Variants in PTPRK observed in about 807,000 individuals in gnomAD.
PTPRK encodes the protein receptor-type tyrosine-protein phosphatase kappa.
PTPRK carries 75 observed loss-of-function variants against 178.0 expected under a neutral mutation model. The observed-to-expected ratio is 0.42, with a 90% CI of 0.35 to 0.51. The LOEUF (loss-of-function observed/expected upper bound fraction) is 0.51. PTPRK is among the 20% of genes least tolerant of loss of function. The probability of loss-of-function intolerance (pLI) is 0.02; values close to 1 mark genes in which losing one functional copy is unlikely to be tolerated. For missense variants in PTPRK, 1,441 were observed against 1,797.8 expected (o/e 0.80, Z 3.59); for synonymous variants, 637 against 620.6 (o/e 1.03, Z -0.39).
chr6:127,998,823 T>C lies in PTPRK; in HGVS notation c.2576A>G (p.Tyr859Cys), dbSNP rs1172207833. The C allele has an allele frequency of 6.2e-7, 1 of 1,610,234 alleles. No homozygotes were observed. Among genetic ancestry groups the C allele is most frequent in the Non-Finnish European group, 8.5e-7 (1 of 1,177,700 alleles). The change falls in exon 16 of 30, where the codon TAC becomes TGC. Residue 859 changes from tyrosine (Y) to cysteine (C), a missense_variant. Physicochemically the swap from Tyr to Cys is radical, Grantham distance 194 (BLOSUM62 -2). Coordinates refer to ENST00000368226, the MANE Select transcript of PTPRK (RefSeq NM_002844.4). The stretch of plus-strand genomic sequence containing the variant: ...GGCTGGATGCAGCTGTCCTGTCTGG[T>C]AAGGGGATTCCGTCCCCTCACAGAG... ...RYLCEGTESPYQTGQLHPAIR... is the reference protein window; with the variant it reads ...RYLCEGTESPCQTGQLHPAIR...
At chr6:128,287,064 G>A (rs1317435728) in intron 3 of PTPRK, among the ~76,000 whole-genome samples, 1 of 152,052 alleles carries the variant, frequency 6.6e-6, no homozygotes, top group East Asian at 1.9e-4. Context: ...ATCTCTGGAG[G>A]TGTTTCTTTC....
chr6:128,349,832 T>G (rs1283538042), intron 2 of PTPRK, among the ~76,000 whole-genome samples: 1 of 152,148 alleles, frequency 6.6e-6, no homozygotes, highest in Non-Finnish European at 1.5e-5. Flanking sequence ...GGTTGCCAAC[T>G]GTGGAAACTC....
At chr6:128,398,089 G>A (rs1489533549) in intron 1 of PTPRK, among the ~76,000 whole-genome samples, 1 of 152,086 alleles carries the variant, frequency 6.6e-6, no homozygotes, top group African/African-American at 2.4e-5. Context: ...ATGAAGTAAC[G>A]AAAGCAGAGA....
chr6:128,347,815 T>A (rs1330827958), intron 2 of PTPRK, among the ~76,000 whole-genome samples: 3 of 152,100 alleles, frequency 2.0e-5, no homozygotes, highest in Non-Finnish European at 4.4e-5. Context: ...TCCCACATTT[T>A]ATTTATTTAT....
intron 3 of PTPRK, among the ~76,000 whole-genome samples, chr6:128,291,471 T>C (rs1348134197): frequency 6.6e-6 from 1 of 152,156 alleles, no homozygotes; most frequent in East Asian, 1.9e-4. Context: ...AGAAAACTAA[T>C]ACTATAAGTT....
intron 13 of PTPRK, among the ~76,000 whole-genome samples, chr6:128,028,946 T>C (rs1290018258): frequency 6.6e-6 from 1 of 152,190 alleles, no homozygotes; most frequent in Non-Finnish European, 1.5e-5. Flanking sequence ...TTCAGATTCA[T>C]GGTAAGGTTA....
At chr6:128,158,024 T>C (rs1404176898) in intron 7 of PTPRK, among the ~76,000 whole-genome samples, 1 of 152,056 alleles carries the variant, frequency 6.6e-6, no homozygotes, top group Non-Finnish European at 1.5e-5. Flanking sequence ...GCCTATGTCC[T>C]GAATGGTATT....
At chr6:128,407,351 T>C (rs931393840) in intron 1 of PTPRK, among the ~76,000 whole-genome samples, 15 of 152,124 alleles carry the variant, frequency 9.9e-5, no homozygotes, top group African/African-American at 2.4e-4. Flanking sequence ...AGTTAGATGA[T>C]TGGGGCCTGG....
Position 127,990,826 on chromosome 6 carries a change from C to T in PTPRK, c.3039G>A (p.Thr1013=), listed in dbSNP as rs766857910. The T allele has an allele frequency of 1.6e-5, 25 of 1,612,198 alleles. No individual in the cohort carries two copies. Among genetic ancestry groups the T allele is most frequent in the South Asian group, 2.2e-5 (2 of 91,052 alleles). ...CAGCAAGTGGTTCCATTTCTACACA[C>T]GTTACTTTGAAGTCACCATAAACTT... The part of the protein sequence containing the change: ...DTEVYGDFKV[T]CVEMEPLAEY... Residue 1013 remains threonine (T), a synonymous_variant, in exon 21 of 30, where the codon ACG becomes ACA. Coordinates refer to ENST00000368226, the MANE Select transcript of PTPRK (RefSeq NM_002844.4).
At chr6:128,509,603 C>G (rs1370722354) in intron 1 of PTPRK, among the ~76,000 whole-genome samples, 1 of 152,066 alleles carries the variant, frequency 6.6e-6, no homozygotes, top group South Asian at 2.1e-4. Context: ...ACTACTTTCA[C>G]ATATATTATT....
chr6:128,202,018 G>A (rs1159496749), intron 6 of PTPRK, among the ~76,000 whole-genome samples: 1 of 152,074 alleles, frequency 6.6e-6, no homozygotes, highest in Non-Finnish European at 1.5e-5. Flanking sequence ...CAATGAGTAT[G>A]GAAAGTGAAG....
chr6:128,217,158 G>A (rs1345182084), intron 6 of PTPRK, among the ~76,000 whole-genome samples: 1 of 152,142 alleles, frequency 6.6e-6, no homozygotes, highest in African/African-American at 2.4e-5. Context: ...GAGAGATGCT[G>A]GAATGGGACT....
chr6:128,348,050 C>T (rs989495898), intron 2 of PTPRK, among the ~76,000 whole-genome samples: 6 of 152,024 alleles, frequency 3.9e-5, no homozygotes, highest in Middle Eastern at 3.4e-3. Context: ...AAGTACAGAT[C>T]ATCTATTGTA....
chr6:128,320,143 G>A (rs1205554766), intron 3 of PTPRK, among the ~76,000 whole-genome samples: 3 of 152,098 alleles, frequency 2.0e-5, no homozygotes, highest in Non-Finnish European at 4.4e-5. Context: ...GGCACTTTTT[G>A]TACTTCTTGC....
At chr6:128,394,310 T>A (rs1840001023) in intron 2 of PTPRK, among the ~76,000 whole-genome samples, 1 of 152,216 alleles carries the variant, frequency 6.6e-6, no homozygotes, top group Admixed American at 6.5e-5. Flanking sequence ...GGAACTATTA[T>A]GAATGCTGAT....
intron 10 of PTPRK, among the ~76,000 whole-genome samples, chr6:128,081,081 G>A (rs1784738356): frequency 6.6e-6 from 1 of 151,774 alleles, no homozygotes; most frequent in Admixed American, 6.6e-5. Context: ...TCTCAGTTTT[G>A]TTAGTTTATA....
At chr6:128,415,503 A>AG (rs1842747946) in intron 1 of PTPRK, among the ~76,000 whole-genome samples, 1 of 48,782 alleles carries the variant, frequency 2.0e-5, no homozygotes, top group South Asian at 1.4e-3. Context: ...ATATGCAGTG[A>AG]GAAAAAAAAA....
chr6:127,998,265 G>A (rs192736994), intron 16 of PTPRK, among the ~76,000 whole-genome samples: 1 of 151,920 alleles, frequency 6.6e-6, no homozygotes, highest in African/African-American at 2.4e-5. Flanking sequence ...TAAACTGAGA[G>A]TGGCAAGTAG....
chr6:128,022,446 A>T (rs1038465731), intron 13 of PTPRK, among the ~76,000 whole-genome samples: 3 of 152,110 alleles, frequency 2.0e-5, no homozygotes, highest in African/African-American at 7.2e-5. Context: ...TTTTTCCTTG[A>T]CCTTTAGTAT....
Sources: gnomAD v4.1 joint callset for allele counts (sites outside exome capture counted in the v4.1 genomes callset) on GRCh38, gnomAD v4.1.1 for gene constraint, MANE v1.5 for transcripts, NCBI Gene and HGNC (gene_info 2026-07-23, HGNC 2026-07-21) for gene names.